Variants in ZFAND3 observed in about 807,000 individuals in gnomAD.
ZFAND3 encodes zinc finger AN1-type containing 3, also known as AN1-type zinc finger protein 3.
In ZFAND3, 10 loss-of-function variants were observed where a neutral mutation model predicts 29.6. That is an observed-to-expected ratio of 0.34 (90% CI 0.21 to 0.57). The LOEUF (loss-of-function observed/expected upper bound fraction) is 0.57. Among genes scored for constraint, ZFAND3 ranks in the 20% least tolerant of loss-of-function variants. The pLI, the probability that ZFAND3 is intolerant of heterozygous loss-of-function variation, is 0.86. For missense variants in ZFAND3, 230 were observed against 304.5 expected (o/e 0.76, Z 1.82); for synonymous variants, 128 against 112.6 (o/e 1.14, Z -0.87).
chr6:38,054,318 C>T (rs1193723887), intron 2 of ZFAND3, among the ~76,000 whole-genome samples: 3 of 149,560 alleles, frequency 2.0e-5, no homozygotes, highest in Non-Finnish European at 4.4e-5. Context: ...CACTTGGGCC[C>T]AGGAAGTCGA....
At chr6:38,049,083 C>T (rs954110395) in intron 2 of ZFAND3, among the ~76,000 whole-genome samples, 3 of 152,196 alleles carry the variant, frequency 2.0e-5, no homozygotes, top group African/African-American at 7.2e-5. Context: ...ATGACTAGCA[C>T]TCCCTGTTGT....
chr6:37,969,423 C>T (rs186341053), intron 2 of ZFAND3, among the ~76,000 whole-genome samples: 3 of 152,264 alleles, frequency 2.0e-5, no homozygotes, highest in Admixed American at 2.0e-4. Context: ...CTACAACCTA[C>T]CTTATACATG....
Position 38,053,648 on chromosome 6 carries a change from G to A in ZFAND3, c.113-7945G>A, listed in dbSNP as rs190536728. Among the ~76,000 whole-genome samples, 57 of 152,254 alleles carry A rather than the reference G, an allele frequency of 3.7e-4. 1 individual carries two copies. Among genetic ancestry groups the A allele is most frequent in the Admixed American group, 3.3e-3 (50 of 15,298 alleles). ...CAGGATGCCAAGGTTGCAGTGAGCC[G>A]AGATTGCACCACTACATTCCAGCCT... On this transcript the variant is annotated intron_variant, in intron 2 of 5. Coordinates refer to ENST00000287218, the MANE Select transcript of ZFAND3 (RefSeq NM_021943.3).
At chr6:37,972,365 T>C (rs551725463) in intron 2 of ZFAND3, among the ~76,000 whole-genome samples, 1 of 152,346 alleles carries the variant, frequency 6.6e-6, no homozygotes, top group East Asian at 1.9e-4. Flanking sequence ...CTTGCCTCTG[T>C]GAGGCTTCAG....
rs200961551 is a variant in ZFAND3, at chr6:37,886,136, G to A, written c.72-43823G>A. 4.6e-5 allele frequency among the ~76,000 whole-genome samples: 7 copies of A among 151,248 alleles called. No homozygotes were observed. In the East Asian group the frequency reaches 1.4e-3, roughly 30 times the overall value. ...GCCTGTAGTCCCAGCTATTCAGGAG[G>A]CTGTGGCAGGAGAATTGCTTGAACC... On this transcript the variant is annotated intron_variant, in intron 1 of 5. Transcript: ENST00000287218.
chr6:37,975,661 G>T (rs1335087633), intron 2 of ZFAND3, among the ~76,000 whole-genome samples: 1 of 152,218 alleles, frequency 6.6e-6, no homozygotes, highest in Middle Eastern at 3.4e-3. Flanking sequence ...TCTTCACACT[G>T]CAGTGCCTTT....
At chr6:37,979,719 G>A (rs941258179) in intron 2 of ZFAND3, among the ~76,000 whole-genome samples, 1 of 152,044 alleles carries the variant, frequency 6.6e-6, no homozygotes, top group Non-Finnish European at 1.5e-5. Context: ...TAGTTTTTTC[G>A]TATGCATGTG....
At chr6:38,149,768 A>C (rs1766184423) in intron 5 of ZFAND3, among the ~76,000 whole-genome samples, 1 of 152,200 alleles carries the variant, frequency 6.6e-6, no homozygotes, top group Non-Finnish European at 1.5e-5. Flanking sequence ...TGTTAAGCTG[A>C]GCCAGGAGCC....
chr6:38,058,288 A>ATAAC (rs1243945748), intron 2 of ZFAND3, among the ~76,000 whole-genome samples: 3 of 152,210 alleles, frequency 2.0e-5, no homozygotes, highest in African/African-American at 7.2e-5. Flanking sequence ...TCAGGATCAT[A>ATAAC]TAACATTTCC....
intron 4 of ZFAND3, among the ~76,000 whole-genome samples, chr6:38,101,549 A>G (rs982392834): frequency 9.2e-5 from 14 of 152,022 alleles, no homozygotes; most frequent in Non-Finnish European, 1.9e-4. Flanking sequence ...CGAGGCGGGC[A>G]GATCACTTGA....
At chr6:38,060,305 TG>T (rs1381234517) in intron 2 of ZFAND3, among the ~76,000 whole-genome samples, 5 of 152,196 alleles carry the variant, frequency 3.3e-5, no homozygotes, top group African/African-American at 1.2e-4. Flanking sequence ...ATAATACTTT[TG>T]ACTTAAAGTG....
intron 1 of ZFAND3, among the ~76,000 whole-genome samples, chr6:37,912,071 T>TGTGA (rs1260628226): frequency 1.1e-4 from 15 of 142,352 alleles, no homozygotes; most frequent in African/African-American, 3.8e-4. Flanking sequence ...TGTGTGTGTG[T>TGTGA]GATGGTGTAG....
chr6:38,103,981 T>C (rs2127479295), intron 4 of ZFAND3, among the ~76,000 whole-genome samples: 1 of 152,304 alleles, frequency 6.6e-6, no homozygotes, highest in South Asian at 2.1e-4. Flanking sequence ...TCATTTACAA[T>C]GAGAACTGAA....
In ZFAND3 at chr6:37,845,484, A is replaced by G. The variant is rs978644447; in HGVS notation, c.71+25468A>G. 9.8e-5 allele frequency among the ~76,000 whole-genome samples: 15 copies of G among 152,364 alleles called. No homozygotes were observed. The Middle Eastern group carries it at 0.01, about 104-fold the overall frequency. On this transcript the variant is annotated intron_variant, in intron 1 of 5. Coordinates refer to ENST00000287218, the MANE Select transcript of ZFAND3 (RefSeq NM_021943.3). ...GGTTTTTAATGATACAGATAAGAAA[A>G]TAAACTGTAGAAAAATGTCAGATTT...
intron 2 of ZFAND3, among the ~76,000 whole-genome samples, chr6:38,056,565 G>C (rs1207078205): frequency 6.6e-6 from 1 of 152,164 alleles, no homozygotes; most frequent in Non-Finnish European, 1.5e-5. Flanking sequence ...GTTCTAGAGA[G>C]ACTGCCCAGG....
At chr6:37,859,287 C>T (rs909707418) in intron 1 of ZFAND3, among the ~76,000 whole-genome samples, 3 of 152,158 alleles carry the variant, frequency 2.0e-5, no homozygotes, top group South Asian at 4.1e-4. Flanking sequence ...TTCTATCCAT[C>T]TCATTGATTC....
intron 1 of ZFAND3, among the ~76,000 whole-genome samples, chr6:37,838,172 T>G (rs556084142): frequency 6.6e-6 from 1 of 152,360 alleles, no homozygotes; most frequent in Non-Finnish European, 1.5e-5. Flanking sequence ...TGCTGATATT[T>G]GGCTTATCTG....
At chr6:37,976,697 A>G (rs1407422986) in intron 2 of ZFAND3, among the ~76,000 whole-genome samples, 1 of 152,096 alleles carries the variant, frequency 6.6e-6, no homozygotes, top group African/African-American at 2.4e-5. Flanking sequence ...GAAACTTACA[A>G]TAATGGTGGA....
chr6:38,001,517 AAC>A (rs1762948106), intron 2 of ZFAND3, among the ~76,000 whole-genome samples: 1 of 152,190 alleles, frequency 6.6e-6, no homozygotes, highest in African/African-American at 2.4e-5. Flanking sequence ...GAGCAACATA[AAC>A]TCTATTACAG....
Sources: allele counts gnomAD v4.1 joint callset (sites outside exome capture counted in the v4.1 genomes callset), GRCh38; gene constraint gnomAD v4.1.1; transcripts MANE v1.5; gene names NCBI Gene and HGNC (gene_info 2026-07-23, HGNC 2026-07-21).